Variants in ANKRD36 observed in about 807,000 individuals in gnomAD.
The protein encoded by ANKRD36 is ankyrin repeat domain 36.
Under a neutral mutation model 278.1 loss-of-function variants are expected in ANKRD36, and 179 were observed. That is an observed-to-expected ratio of 0.64 (90% CI 0.57 to 0.73). ANKRD36 has a LOEUF of 0.73. ANKRD36 is among the 30% of genes least tolerant of loss of function. The pLI, the probability that ANKRD36 is intolerant of heterozygous loss-of-function variation, is 0.00. For missense variants in ANKRD36, 1,159 were observed against 1,956.7 expected, an observed-to-expected ratio of 0.59 and a Z score of 7.69; for synonymous variants, 320 against 641.1, an observed-to-expected ratio of 0.50 and a Z score of 7.57.
intron 3 of ANKRD36, among the ~76,000 whole-genome samples, chr2:97,122,329 A>G (rs2037104389): frequency 6.6e-6 from 1 of 151,028 alleles, no homozygotes; most frequent in Admixed American, 6.7e-5. Flanking sequence ...AATACTAGAC[A>G]CATAATGCAG....
intron 69 of ANKRD36, among the ~76,000 whole-genome samples, chr2:97,243,400 G>A (rs1480555311): frequency 7.7e-3 from 806 of 105,214 alleles, no homozygotes; most frequent in Middle Eastern, 0.028. Flanking sequence ...ATGATTGTGG[G>A]GACCAAGTTT....
Position 97,194,935 on chromosome 2 carries a change from A to T in ANKRD36, c.2551+18A>T. 1 of 1,541,838 alleles carries T rather than the reference A, an allele frequency of 6.5e-7. No individual in the cohort carries two copies. Among genetic ancestry groups the T allele is most frequent in the Non-Finnish European group, 8.7e-7 (1 of 1,146,450 alleles). On this transcript the variant is annotated intron_variant, in intron 40 of 75. Transcript: ENST00000420699. The stretch of plus-strand genomic sequence containing the variant: ...TAGGAAAGGTAATTTTGCGAAACAC[A>T]TTTAATGTCATGTTCAGTCCAGACA...
chr2:97,211,448 A>G, intron 56 of ANKRD36, 98 bp from the exon 57 acceptor site: 2 of 1,529,860 alleles, frequency 1.3e-6, no homozygotes, highest in Non-Finnish European at 1.8e-6. Context: ...ACACTAATAC[A>G]GGCTGGGGGA....
chr2:97,177,299 C>A (rs370651114), intron 22 of ANKRD36, among the ~76,000 whole-genome samples: 5 of 151,610 alleles, frequency 3.3e-5, no homozygotes, highest in Admixed American at 2.6e-4. Context: ...GCTACCAATG[C>A]CTTTCTTCAC....
At position 97,203,993 on chromosome 2, in the gene ANKRD36, C is replaced by T. The variant is rs1384230027; in HGVS notation, c.2960-75C>T. On this transcript the variant is annotated intron_variant, in intron 48 of 75. Coordinates refer to ENST00000420699, the MANE Select transcript of ANKRD36 (RefSeq NM_001354587.1). The stretch of plus-strand genomic sequence containing the variant: ...ACAGGCAGGAGGACAGAGGCTGATG[C>T]TAACACTGCATGAATGTATGGATAA... 8 of 1,531,904 alleles carry T rather than the reference C, an allele frequency of 5.2e-6. No individual in the cohort carries two copies. The East Asian group carries it at 2.0e-4, about 38-fold the overall frequency. 94.9% of individuals were successfully genotyped at this position (1,531,904 alleles called of 1,614,324 possible). A position where few individuals can be genotyped will look rare whatever the true frequency, so the allele number is the denominator to read the frequency against.
Position 97,205,962 on chromosome 2 carries a change from C to A in ANKRD36, c.3084C>A (p.Thr1028=), listed in dbSNP as rs1468571655. The A allele has an allele frequency of 1.0e-5, 16 of 1,556,054 alleles. No individual in the cohort carries two copies. In the Admixed American group the frequency reaches 2.6e-4, roughly 25 times the overall value. The change falls in exon 51 of 76, where the codon ACC becomes ACA. Residue 1028 remains threonine (T), a synonymous_variant. Coordinates refer to ENST00000420699, the MANE Select transcript of ANKRD36 (RefSeq NM_001354587.1). ...TRTVSSQKPP[T]LKATSDEEDS... is the part of the protein sequence containing the mutation. ...CAGTGTCTTCTCAGAAACCACCAAC[C>A]TTGAAGGTAATGAAACTCCCATTTA...
chr2:97,202,793 A>G (rs1241083003), intron 48 of ANKRD36, among the ~76,000 whole-genome samples: 2 of 151,800 alleles, frequency 1.3e-5, no homozygotes, highest in East Asian at 1.9e-4. Flanking sequence ...ACCCGTACAC[A>G]CTGTAGGAGA....
At position 97,146,518 on chromosome 2, in the gene ANKRD36, T is replaced by G. The variant is rs2044294636; in HGVS notation, c.1034+2T>G. ...TGCTGTTGAACAGTGTTTAAACAGG[T>G]ATGATTTTACAGATTTTTTAAAGTG... On this transcript the variant is annotated splice_donor_variant, in intron 11 of 75. Transcript: ENST00000420699. LOFTEE classifies it high-confidence loss of function. 6.6e-7 allele frequency: 1 copy of G among 1,518,602 alleles called. No homozygotes were observed. The highest frequency in any genetic ancestry group is 8.8e-7 in the Non-Finnish European group (1 of 1,137,158). The allele number at this position is 1,518,602 out of a possible 1,614,324, so 94.1% of individuals were successfully genotyped here.
Position 97,179,893 on chromosome 2 carries a change from T to C in ANKRD36, c.1695T>C (p.Asn565=), listed in dbSNP as rs1191862897. 1 of 1,605,892 alleles carries C rather than the reference T, an allele frequency of 6.2e-7. No homozygotes were observed. The highest frequency in any genetic ancestry group is 1.3e-5 in the African/African-American group (1 of 74,836). ...ATSDDKDSVS[N]IATEIKEGPI... ...GTGACGACAAAGATTCTGTTTCAAA[T>C]ATAGCCACAGAAATAAAGGAGGGAC... The change falls in exon 24 of 76, where the codon AAT becomes AAC. Residue 565 remains asparagine, a synonymous_variant. Coordinates refer to ENST00000420699, the MANE Select transcript of ANKRD36 (RefSeq NM_001354587.1).
Position 97,206,064 on chromosome 2 carries a change from C to G in ANKRD36, c.3092C>G (p.Ala1031Gly), listed in dbSNP as rs568656177. 3.9e-5 allele frequency: 61 copies of G among 1,550,742 alleles called. No individual in the cohort carries two copies. The highest frequency in any genetic ancestry group is 5.5e-5 in the African/African-American group (4 of 73,076). ...TATTTTGTTTCAAATTCCATTCAGG[C>G]TACAAGTGATGAGGAAGATTCTGTT... ...VSSQKPPTLK[A>G]TSDEEDSVLS... The change falls in exon 52 of 76, where the codon GCT (alanine) becomes GGT (glycine). Residue 1031 changes from alanine (A) to glycine (G), a missense_variant and splice_region_variant. By Grantham distance (60) the Ala-to-Gly change is moderately conservative. Coordinates refer to ENST00000420699, the MANE Select transcript of ANKRD36 (RefSeq NM_001354587.1).
chr2:97,207,793 A>G lies in ANKRD36; in HGVS notation c.3164-18A>G. ...CATTTTTACACATGAGTGATTATGA[A>G]TCCCTTTTACTTTTCAGTGTCTTCT... is the stretch of plus-strand genomic sequence containing the variant. On this transcript the variant is annotated intron_variant, in intron 52 of 75. Coordinates refer to ENST00000420699, the MANE Select transcript of ANKRD36 (RefSeq NM_001354587.1). 1 of 1,545,686 alleles carries G rather than the reference A, an allele frequency of 6.5e-7. No individual in the cohort carries two copies. The highest frequency in any genetic ancestry group is 2.0e-5 in the Admixed American group (1 of 50,886).
intron 20 of ANKRD36, among the ~76,000 whole-genome samples, chr2:97,164,868 T>G (rs2050204159): frequency 6.6e-6 from 1 of 152,114 alleles, no homozygotes; most frequent in African/African-American, 2.4e-5. Flanking sequence ...TTCAACGCCT[T>G]TATTTCAGCG....
At chr2:97,206,819 ATGTT>A (rs1329730899) in intron 52 of ANKRD36, among the ~76,000 whole-genome samples, 1 of 151,560 alleles carries the variant, frequency 6.6e-6, no homozygotes, top group African/African-American at 2.4e-5. Context: ...TCAGAGATAC[ATGTT>A]TTGTTGATTT....
chr2:97,186,838 G>A (rs931614566), intron 30 of ANKRD36, among the ~76,000 whole-genome samples: 8 of 151,812 alleles, frequency 5.3e-5, no homozygotes, highest in African/African-American at 1.9e-4. Flanking sequence ...AGACATGTGG[G>A]TGCATGTGCC....
chr2:97,201,828 A>G (rs1287754996), intron 46 of ANKRD36, among the ~76,000 whole-genome samples: 1 of 151,918 alleles, frequency 6.6e-6, no homozygotes, highest in Non-Finnish European at 1.5e-5. Flanking sequence ...TTGTTGCATG[A>G]AAGACATGTG....
At chr2:97,153,010 T>A (rs1053164015) in intron 14 of ANKRD36, among the ~76,000 whole-genome samples, 5 of 148,120 alleles carry the variant, frequency 3.4e-5, no homozygotes, top group African/African-American at 2.4e-5. Context: ...CTTTTTTTTT[T>A]AACCATCAAA....
At chr2:97,200,661 T>C in intron 46 of ANKRD36, 136 bp downstream of exon 46, 3 of 1,402,108 alleles carry the variant, frequency 2.1e-6, no homozygotes, top group Non-Finnish European at 2.9e-6. Context: ...TCTAACAAGT[T>C]CTTGGGTTAT....
chr2:97,194,938 T>A (rs1426500145), intron 40 of ANKRD36, 21 bp downstream of exon 40: 1 of 1,541,244 alleles, frequency 6.5e-7, no homozygotes, highest in African/African-American at 1.4e-5. Flanking sequence ...GAAACACATT[T>A]AATGTCATGT....
In ANKRD36 at chr2:97,113,443, T is replaced by C. The variant is rs1377335924; in HGVS notation, c.-297T>C. On this transcript the variant is annotated 5_prime_UTR_variant, in exon 1 of 76. Transcript: ENST00000420699. ...CCCTGGGGCAGGGCGCGCCTCGCGC[T>C]CCAGGGAGCCCCGCCCTCCCGCGGC... The C allele has an allele frequency of 2.2e-6, 1 of 458,784 alleles. No individual in the cohort carries two copies. The highest frequency in any genetic ancestry group is 3.9e-6 in the Non-Finnish European group (1 of 259,518). The allele number at this position is 458,784 out of a possible 1,614,324, so 28.4% of individuals were successfully genotyped here.
Sources: gnomAD v4.1 joint callset for allele counts (sites outside exome capture counted in the v4.1 genomes callset) on GRCh38, gnomAD v4.1.1 for gene constraint, MANE v1.5 for transcripts, NCBI Gene and HGNC (gene_info 2026-07-23, HGNC 2026-07-21) for gene names.